The following PDE4B variants were observed in gnomAD, a reference collection of about 807,000 sequenced individuals.
PDE4B encodes the protein 3',5'-cyclic-AMP phosphodiesterase 4B.
In PDE4B, 20 loss-of-function variants were observed where a neutral mutation model predicts 82.2. The ratio of observed to expected loss-of-function variants is 0.24; its 90% CI spans 0.17 to 0.35. The LOEUF (loss-of-function observed/expected upper bound fraction) is 0.35, where lower values mean the gene tolerates loss of function less well. Among genes scored for constraint, PDE4B ranks in the 10% least tolerant of loss-of-function variants. The pLI, the probability that PDE4B is intolerant of heterozygous loss-of-function variation, is 1.00. For synonymous variants in PDE4B, 320 were observed against 318.9 expected (o/e 1.00, Z -0.04); for missense variants, 655 against 907.2 (o/e 0.72, Z 3.57).
chr1:66,179,957 C>T (rs945003128), intron 3 of PDE4B, among the ~76,000 whole-genome samples: 1 of 152,094 alleles, frequency 6.6e-6, no homozygotes, highest in African/African-American at 2.4e-5. Context: ...AAGATCCATC[C>T]CTATTCTATA....
At chr1:66,288,468 T>C (rs1411780542) in intron 7 of PDE4B, among the ~76,000 whole-genome samples, 2 of 152,156 alleles carry the variant, frequency 1.3e-5, no homozygotes, top group African/African-American at 4.8e-5. Context: ...TTTGTATAGT[T>C]CTTAGACTAG....
intron 1 of PDE4B, among the ~76,000 whole-genome samples, chr1:65,873,545 T>C (rs1357848702): frequency 1.3e-5 from 2 of 152,220 alleles, no homozygotes; most frequent in African/African-American, 4.8e-5. Context: ...CTTCTACAAT[T>C]ATGTTGTACA....
intron 3 of PDE4B, among the ~76,000 whole-genome samples, chr1:65,984,628 G>A (rs745312846): frequency 1.3e-5 from 2 of 152,120 alleles, no homozygotes. Context: ...GGTGGTGGGC[G>A]CATGTAGTCC....
At chr1:65,956,777 ATTGGTGT>A (rs1649284706) in intron 3 of PDE4B, among the ~76,000 whole-genome samples, 1 of 152,096 alleles carries the variant, frequency 6.6e-6, no homozygotes, top group Non-Finnish European at 1.5e-5. Flanking sequence ...AGAGACAGTC[ATTGGTGT>A]GATTGCTGTC....
At chr1:65,954,515 T>G (rs148550542) in intron 3 of PDE4B, among the ~76,000 whole-genome samples, 1,763 of 152,172 alleles carry the variant, frequency 0.012, 33 homozygotes, top group African/African-American at 0.04. Flanking sequence ...CATCATGATC[T>G]TATCATGATC....
At chr1:66,354,624 G>T in intron 8 of PDE4B, 1 of 1,358,146 alleles carries the variant, frequency 7.4e-7, no homozygotes, top group Non-Finnish European at 9.5e-7. Context: ...CTTCTGCCAG[G>T]AAATAAGCAG....
chr1:66,319,182 G>A (rs1267565966), intron 7 of PDE4B, among the ~76,000 whole-genome samples: 1 of 152,236 alleles, frequency 6.6e-6, no homozygotes, highest in Non-Finnish European at 1.5e-5. Context: ...ATCAGGCAGA[G>A]ACACTCTCCT....
intron 3 of PDE4B, among the ~76,000 whole-genome samples, chr1:66,190,956 G>A (rs1464177953): frequency 6.6e-6 from 1 of 152,062 alleles, no homozygotes; most frequent in Non-Finnish European, 1.5e-5. Context: ...GACTGGAGCT[G>A]TTCCTATTCA....
intron 3 of PDE4B, among the ~76,000 whole-genome samples, chr1:66,206,165 G>A (rs1035643015): frequency 3.3e-5 from 5 of 152,104 alleles, no homozygotes; most frequent in Admixed American, 6.5e-5. Flanking sequence ...AGGCACTCTC[G>A]GACCTGGATA....
chr1:66,229,643 T>A (rs1651787240), intron 3 of PDE4B, among the ~76,000 whole-genome samples: 1 of 152,184 alleles, frequency 6.6e-6, no homozygotes, highest in Non-Finnish European at 1.5e-5. Flanking sequence ...TTTTGAGGAA[T>A]TACATTTCAG....
chr1:66,018,247 C>G (rs1308470411), intron 3 of PDE4B, among the ~76,000 whole-genome samples: 1 of 152,008 alleles, frequency 6.6e-6, no homozygotes, highest in Admixed American at 6.5e-5. Flanking sequence ...GAAACCCCGT[C>G]TCTACCAAAA....
chr1:65,914,549 C>T lies in PDE4B; in HGVS notation c.42+1193C>T, dbSNP rs146061045. On this transcript the variant is annotated intron_variant, in intron 2 of 16. Coordinates refer to ENST00000341517, the MANE Select transcript of PDE4B (RefSeq NM_002600.4). ...TTATAGTCTAAGTTCTCAGTACCAG[C>T]GTTGCTCAGGATACCTAAAAGAAAA... 9.5e-5 allele frequency among the ~76,000 whole-genome samples: 14 copies of T among 147,970 alleles called. No homozygotes were observed. The East Asian group carries it at 2.5e-3, about 27-fold the overall frequency.
chr1:65,866,793 G>A (rs960091834), intron 1 of PDE4B, among the ~76,000 whole-genome samples: 2 of 152,178 alleles, frequency 1.3e-5, no homozygotes, highest in Admixed American at 6.5e-5. Context: ...AACTAAAAGA[G>A]TAAAAAAGGA....
At chr1:65,818,508 C>T (rs1326920921) in intron 1 of PDE4B, among the ~76,000 whole-genome samples, 4 of 151,820 alleles carry the variant, frequency 2.6e-5, no homozygotes, top group East Asian at 1.9e-4. Context: ...GTGTTCCCAG[C>T]GTCACATGTA....
In PDE4B at chr1:65,929,238, G is replaced by A. The variant is rs147230899; in HGVS notation, c.281+10403G>A. Among the ~76,000 whole-genome samples, 118 of 152,328 alleles carry A rather than the reference G, an allele frequency of 7.7e-4. 1 individual carries two copies. The highest frequency in any genetic ancestry group is 2.5e-3 in the African/African-American group (103 of 41,574). On this transcript the variant is annotated intron_variant, in intron 3 of 16. Coordinates refer to ENST00000341517, the MANE Select transcript of PDE4B (RefSeq NM_002600.4). ...TCACTGTTGCCTCAGGCGGCACAGG[G>A]TTTATCTCTTCAGACAAAGGTAGAA...
chr1:66,090,847 T>C (rs1645008257), intron 3 of PDE4B, among the ~76,000 whole-genome samples: 1 of 151,754 alleles, frequency 6.6e-6, no homozygotes, highest in African/African-American at 2.4e-5. Context: ...AGGACTTCTT[T>C]TACGCTGTAT....
At chr1:66,098,278 T>C (rs1006830195) in intron 3 of PDE4B, among the ~76,000 whole-genome samples, 6 of 152,112 alleles carry the variant, frequency 3.9e-5, no homozygotes, top group African/African-American at 1.4e-4. Context: ...CATTTGGCCT[T>C]CCATAAACTC....
intron 1 of PDE4B, among the ~76,000 whole-genome samples, chr1:65,897,574 G>A (rs560320084): frequency 6.6e-6 from 1 of 152,172 alleles, no homozygotes; most frequent in African/African-American, 2.4e-5. Context: ...TTGTAAGTGA[G>A]AGCGTGTGTA....
chr1:66,192,300 A>C (rs1295976903), intron 3 of PDE4B, among the ~76,000 whole-genome samples: 1 of 152,124 alleles, frequency 6.6e-6, no homozygotes, highest in Non-Finnish European at 1.5e-5. Context: ...TTTGCCTATA[A>C]AATTTTAATT....
Sources: gnomAD v4.1 joint callset for allele counts (sites outside exome capture counted in the v4.1 genomes callset) on GRCh38, gnomAD v4.1.1 for gene constraint, MANE v1.5 for transcripts, NCBI Gene and HGNC (gene_info 2026-07-23, HGNC 2026-07-21) for gene names.